The following CNTNAP5 variants were observed in gnomAD, a reference collection of about 807,000 sequenced individuals.
The protein encoded by CNTNAP5 is contactin associated protein family member 5.
Under a neutral mutation model 150.2 loss-of-function variants are expected in CNTNAP5, and 72 were observed. The ratio of observed to expected loss-of-function variants is 0.48; its 90% confidence interval spans 0.40 to 0.58. CNTNAP5 has a LOEUF of 0.58. Ranked by LOEUF, CNTNAP5 falls within the 20% of genes least tolerant of loss-of-function variation. CNTNAP5 has a pLI of 0.00. For synonymous variants in CNTNAP5, 672 were observed against 619.8 expected, an observed-to-expected ratio of 1.08 and a Z score of -1.25; for missense variants, 1,636 against 1,626.2, an observed-to-expected ratio of 1.01 and a Z score of -0.10.
chr2:124,111,201 C>A (rs1683290519), intron 1 of CNTNAP5, among the ~76,000 whole-genome samples: 1 of 152,032 alleles, frequency 6.6e-6, no homozygotes, highest in African/African-American at 2.4e-5. Flanking sequence ...GGAAAGGCCA[C>A]AGAGAGCAAA....
chr2:124,423,819 C>T (rs552116864), intron 4 of CNTNAP5, among the ~76,000 whole-genome samples: 1,756 of 143,464 alleles, frequency 0.012, 30 homozygotes, highest in African/African-American at 0.043. Flanking sequence ...CGCCCGCTAC[C>T]ACGCCCGGCT....
At position 124,869,733 on chromosome 2, in the gene CNTNAP5, T is replaced by C. The variant is rs758603218; in HGVS notation, c.3407T>C (p.Ile1136Thr). ...NFSPEVEFRVIRSLTLGKVTE... is the reference protein window; with the variant it reads ...NFSPEVEFRVTRSLTLGKVTE... ...TCTCCGGAAGTAGAGTTCAGGGTTA[T>C]AAGGTCACTCACCTTGGGCAAAGTC... Residue 1136 changes from isoleucine (I) to threonine (T), a missense_variant, in exon 21 of 24, where the codon ATA becomes ACA. Physicochemically the swap from Ile to Thr is moderately conservative, Grantham distance 89 (BLOSUM62 -1). Coordinates refer to ENST00000682447, the MANE Select transcript of CNTNAP5 (RefSeq NM_001367498.1). 6.2e-7 allele frequency: 1 copy of C among 1,612,030 alleles called. No individual in the cohort carries two copies.
Position 124,614,748 on chromosome 2 carries a change from T to C in CNTNAP5, c.1876+4828T>C, listed in dbSNP as rs1013497700. On this transcript the variant is annotated intron_variant, in intron 12 of 23. Coordinates refer to ENST00000682447, the MANE Select transcript of CNTNAP5 (RefSeq NM_001367498.1). ...GTATTTGGCCAGCTTCTTTGCAGCATCCTGTTTTATCAGCAAGGTCTTTGT... is the reference window on the plus strand; with the variant it reads ...GTATTTGGCCAGCTTCTTTGCAGCACCCTGTTTTATCAGCAAGGTCTTTGT... Among the ~76,000 whole-genome samples the C allele has an allele frequency of 3.9e-5, 6 of 152,282 alleles. No individual in the cohort carries two copies. The South Asian group carries it at 1.2e-3, about 32-fold the overall frequency.
chr2:124,211,894 T>C (rs994341732), intron 1 of CNTNAP5, among the ~76,000 whole-genome samples: 1 of 152,228 alleles, frequency 6.6e-6, no homozygotes, highest in Non-Finnish European at 1.5e-5. Context: ...TTTAAGATCA[T>C]GGTTTCCTGA....
chr2:124,910,124 A>G (rs1320668349), intron 22 of CNTNAP5, among the ~76,000 whole-genome samples: 2 of 151,896 alleles, frequency 1.3e-5, no homozygotes, highest in African/African-American at 2.4e-5. Flanking sequence ...CACAAATGGC[A>G]TAAACTACCA....
intron 3 of CNTNAP5, among the ~76,000 whole-genome samples, chr2:124,277,551 C>T (rs961081675): frequency 6.6e-6 from 1 of 152,070 alleles, no homozygotes; most frequent in African/African-American, 2.4e-5. Flanking sequence ...TAAAATTAGT[C>T]TTTATTAACT....
At chr2:124,094,760 A>G (rs960301979) in intron 1 of CNTNAP5, among the ~76,000 whole-genome samples, 4 of 152,180 alleles carry the variant, frequency 2.6e-5, no homozygotes, top group African/African-American at 9.6e-5. Flanking sequence ...AGGCATGCAC[A>G]GCCCCAGGGG....
At chr2:124,649,404 A>T (rs1678271070) in intron 13 of CNTNAP5, among the ~76,000 whole-genome samples, 1 of 152,146 alleles carries the variant, frequency 6.6e-6, no homozygotes, top group Admixed American at 6.5e-5. Context: ...CTGTCTCCAG[A>T]AATGCCCTTC....
intron 13 of CNTNAP5, among the ~76,000 whole-genome samples, chr2:124,693,080 G>T (rs1013495453): frequency 1.3e-5 from 2 of 152,050 alleles, no homozygotes; most frequent in Admixed American, 1.3e-4. Flanking sequence ...GCATGGCTTG[G>T]TAGCAAGAGT....
At chr2:124,485,151 G>A (rs1006981363) in intron 7 of CNTNAP5, among the ~76,000 whole-genome samples, 1 of 152,172 alleles carries the variant, frequency 6.6e-6, no homozygotes, top group Non-Finnish European at 1.5e-5. Flanking sequence ...CTAGTAGAAG[G>A]TGGGTAACTA....
chr2:124,362,375 G>A (rs930756135), intron 3 of CNTNAP5, among the ~76,000 whole-genome samples: 1 of 152,208 alleles, frequency 6.6e-6, no homozygotes, highest in East Asian at 1.9e-4. Flanking sequence ...AGATAGTCCT[G>A]AAAGCGATAA....
chr2:124,912,267 G>A (rs1309914727), intron 23 of CNTNAP5, among the ~76,000 whole-genome samples: 3 of 152,128 alleles, frequency 2.0e-5, no homozygotes, highest in South Asian at 4.1e-4. Context: ...AGCAGGTGCC[G>A]CCATCCCTGC....
chr2:124,687,534 C>T (rs1173549440), intron 13 of CNTNAP5, among the ~76,000 whole-genome samples: 2 of 151,914 alleles, frequency 1.3e-5, no homozygotes, highest in Non-Finnish European at 2.9e-5. Flanking sequence ...TTACATTTTT[C>T]TTAACTTCCT....
intron 13 of CNTNAP5, among the ~76,000 whole-genome samples, chr2:124,738,179 G>A (rs1573583983): frequency 6.6e-6 from 1 of 152,208 alleles, no homozygotes; most frequent in Non-Finnish European, 1.5e-5. Context: ...AATCTCTGAG[G>A]CTTAACACAA....
In CNTNAP5 at chr2:124,846,383, G is replaced by A. The variant is rs1035871838; in HGVS notation, c.3218-18923G>A. On this transcript the variant is annotated intron_variant, in intron 19 of 23. Transcript: ENST00000682447. ...TTTGATTGGACTGCTGAGACTTTCC[G>A]GTGCATTTCTCTAAGTGTGTCCTTC... is the stretch of plus-strand genomic sequence containing the variant. 5.3e-5 allele frequency among the ~76,000 whole-genome samples: 8 copies of A among 152,110 alleles called. 1 individual carries two copies. Among genetic ancestry groups the A allele is most frequent in the South Asian group, 4.1e-4 (2 of 4,820 alleles).
At chr2:124,885,817 AAT>A (rs1354931299) in intron 21 of CNTNAP5, among the ~76,000 whole-genome samples, 1 of 152,106 alleles carries the variant, frequency 6.6e-6, no homozygotes, top group Non-Finnish European at 1.5e-5. Context: ...ATGGTTGAAT[AAT>A]ATGTTGTATG....
chr2:124,209,579 G>T (rs569733433), intron 1 of CNTNAP5, among the ~76,000 whole-genome samples: 1 of 151,974 alleles, frequency 6.6e-6, no homozygotes, highest in African/African-American at 2.4e-5. Flanking sequence ...TTTCTATTCC[G>T]ATTTCTTAGT....
chr2:124,720,073 C>T (rs932210216), intron 13 of CNTNAP5, among the ~76,000 whole-genome samples: 53 of 152,070 alleles, frequency 3.5e-4, no homozygotes, highest in African/African-American at 1.2e-3. Flanking sequence ...GAGACAGAAG[C>T]GAGACTCTGA....
chr2:124,558,710 G>T (rs1406313916), intron 10 of CNTNAP5, among the ~76,000 whole-genome samples: 2 of 152,132 alleles, frequency 1.3e-5, no homozygotes, highest in African/African-American at 4.8e-5. Context: ...CTTTTCCCAG[G>T]CCTCATCCAC....
Sources: gnomAD v4.1 joint callset for allele counts (sites outside exome capture counted in the v4.1 genomes callset) on GRCh38, gnomAD v4.1.1 for gene constraint, MANE v1.5 for transcripts, NCBI Gene and HGNC (gene_info 2026-07-23, HGNC 2026-07-21) for gene names.